Variants in TAMM41 observed in about 807,000 individuals in gnomAD.
TAMM41 encodes TAM41 mitochondrial translocator assembly and maintenance homolog, also known as phosphatidate cytidylyltransferase, mitochondrial.
In TAMM41, 36 loss-of-function variants were observed where a neutral mutation model predicts 44.1. The ratio of observed to expected loss-of-function variants is 0.82; its 90% CI spans 0.63 to 1.08. TAMM41 has a LOEUF of 1.08. TAMM41 is among the 50% of genes least tolerant of loss of function. The pLI, the probability that TAMM41 is intolerant of heterozygous loss-of-function variation, is 0.00. For synonymous variants in TAMM41, 164 were observed against 153.1 expected (o/e 1.07, Z -0.53); for missense variants, 417 against 404.3 (o/e 1.03, Z -0.27).
At chr3:11,735,365 A>T in the TAMM41 span, among the ~76,000 whole-genome samples, 2 of 152,004 alleles carry the variant, frequency 1.3e-5, no homozygotes, top group South Asian at 4.1e-4. Context: ...CTCTGAAAAA[A>T]ATTTTAAAAT....
intron 7 of TAMM41, chr3:11,807,530 T>C (rs1418215943): frequency 6.5e-7 from 1 of 1,536,102 alleles, no homozygotes; most frequent in South Asian, 1.2e-5. Flanking sequence ...TGCAATCCTA[T>C]GCATCTGTAA....
the TAMM41 span, among the ~76,000 whole-genome samples, chr3:11,738,206 C>T: frequency 6.6e-6 from 1 of 152,136 alleles, no homozygotes; most frequent in African/African-American, 2.4e-5. Flanking sequence ...CCTTTGTAAA[C>T]TCCAGTTTCA....
At chr3:11,816,978 G>A (rs1055416116) in intron 5 of TAMM41, 4 of 465,632 alleles carry the variant, frequency 8.6e-6, no homozygotes, top group African/African-American at 5.7e-5. Flanking sequence ...TCCCACTTCT[G>A]CCCCTAGTTC....
intron 7 of TAMM41, among the ~76,000 whole-genome samples, chr3:11,793,700 A>G (rs796696800): frequency 5.9e-5 from 9 of 152,358 alleles, no homozygotes; most frequent in African/African-American, 2.2e-4. Flanking sequence ...TCCCTATGTT[A>G]TAAATGAACA....
chr3:11,841,878 C>A (rs1242208264), intron 2 of TAMM41, among the ~76,000 whole-genome samples: 3 of 152,218 alleles, frequency 2.0e-5, no homozygotes, highest in African/African-American at 7.2e-5. Flanking sequence ...TTTCCTCTCT[C>A]TGAACTTCAG....
intron 7 of TAMM41, among the ~76,000 whole-genome samples, chr3:11,801,334 T>C (rs1359262480): frequency 6.9e-6 from 1 of 145,856 alleles, no homozygotes; most frequent in Non-Finnish European, 1.5e-5. Flanking sequence ...GAAGATTTTT[T>C]TCCCCTGAGA....
At chr3:11,752,498 T>TA in the TAMM41 span, among the ~76,000 whole-genome samples, 1 of 152,098 alleles carries the variant, frequency 6.6e-6, no homozygotes, top group Non-Finnish European at 1.5e-5. Flanking sequence ...TGGTGCGTTT[T>TA]ACAATCCTAG....
intron 7 of TAMM41, among the ~76,000 whole-genome samples, chr3:11,794,515 T>C (rs1180448212): frequency 6.6e-6 from 1 of 152,206 alleles, no homozygotes; most frequent in Admixed American, 6.5e-5. Context: ...TGGATAAAAA[T>C]GCAACATCTC....
At chr3:11,790,360 G>A, downstream of TAMM41, 1 of 758,544 alleles carries the variant, frequency 1.3e-6, no homozygotes. Flanking sequence ...ATAAATGTCT[G>A]ATGCATACAT....
intron 5 of TAMM41, 143 bp from the exon 6 acceptor site, chr3:11,809,825 CTT>C (rs1398827192): frequency 5.3e-6 from 4 of 754,104 alleles, no homozygotes; most frequent in Non-Finnish European, 8.3e-6. Context: ...AGGAAACTCT[CTT>C]TTTCTGAAAC....
At chr3:11,802,521 G>A (rs1262928199) in intron 7 of TAMM41, among the ~76,000 whole-genome samples, 1 of 152,114 alleles carries the variant, frequency 6.6e-6, no homozygotes, top group Non-Finnish European at 1.5e-5. Context: ...TATCTGAAAA[G>A]ATCAGTAATG....
At chr3:11,747,131 C>T in the TAMM41 span, among the ~76,000 whole-genome samples, 4 of 152,024 alleles carry the variant, frequency 2.6e-5, no homozygotes, top group South Asian at 2.1e-4. Flanking sequence ...GGTGTAATCT[C>T]GGCTCACTGT....
intron 7 of TAMM41, among the ~76,000 whole-genome samples, chr3:11,797,178 G>A (rs1316658219): frequency 6.6e-6 from 1 of 152,124 alleles, no homozygotes; most frequent in South Asian, 2.1e-4. Flanking sequence ...AAAAGAGCCC[G>A]AATAGCCAAG....
At chr3:11,729,530 CTTTCTTTCATTTTTT>C in the TAMM41 span, among the ~76,000 whole-genome samples, 8 of 52,834 alleles carry the variant, frequency 1.5e-4, 1 homozygote, top group African/African-American at 5.3e-4. Flanking sequence ...TCTTTCTTTT[CTTTCTTTCATTTTTT>C]TTTTTTTTTT....
At chr3:11,805,905 G>C (rs1004555938) in intron 7 of TAMM41, among the ~76,000 whole-genome samples, 1 of 152,164 alleles carries the variant, frequency 6.6e-6, no homozygotes. Context: ...TCCCCACGTC[G>C]TGGGAGGGAC....
the TAMM41 span, among the ~76,000 whole-genome samples, chr3:11,765,214 G>A: frequency 6.6e-6 from 1 of 152,128 alleles, no homozygotes; most frequent in African/African-American, 2.4e-5. Context: ...AGTGGACCCA[G>A]GGACTTGCTG....
At chr3:11,750,117 C>T in the TAMM41 span, among the ~76,000 whole-genome samples, 10 of 151,774 alleles carry the variant, frequency 6.6e-5, no homozygotes, top group African/African-American at 1.5e-4. Context: ...AGGATGGTCT[C>T]GATCTCCTGA....
chr3:11,763,716 T>C, the TAMM41 span, among the ~76,000 whole-genome samples: 1 of 152,234 alleles, frequency 6.6e-6, no homozygotes, highest in South Asian at 2.1e-4. Flanking sequence ...GTGTTATCGT[T>C]CATGTTTTAA....
the TAMM41 span, among the ~76,000 whole-genome samples, chr3:11,759,247 C>T: frequency 6.6e-6 from 1 of 152,078 alleles, no homozygotes; most frequent in Admixed American, 6.6e-5. Flanking sequence ...GTACTGCTCA[C>T]GTGGAGGGAG....
Sources: gnomAD v4.1 joint callset for allele counts (sites outside exome capture counted in the v4.1 genomes callset) on GRCh38, gnomAD v4.1.1 for gene constraint, MANE v1.5 for transcripts, NCBI Gene and HGNC (gene_info 2026-07-23, HGNC 2026-07-21) for gene names.